ASAP1: variants seen among roughly 807,000 people sequenced by gnomAD.
ASAP1 encodes the protein arf-GAP with SH3 domain, ANK repeat and PH domain-containing protein 1.
Under a neutral mutation model 145.2 loss-of-function variants are expected in ASAP1, and 43 were observed. The ratio of observed to expected loss-of-function variants is 0.30; its 90% CI spans 0.23 to 0.38. ASAP1 has a LOEUF of 0.38. ASAP1 is among the 10% of genes least tolerant of loss of function. The pLI, the probability that ASAP1 is intolerant of heterozygous loss-of-function variation, is 1.00. For missense variants in ASAP1, 1,018 were observed against 1,355.3 expected, an observed-to-expected ratio of 0.75 and a Z score of 3.91; for synonymous variants, 546 against 515.5, an observed-to-expected ratio of 1.06 and a Z score of -0.80.
chr8:130,062,378 T>C (rs1439349068), intron 27 of ASAP1, among the ~76,000 whole-genome samples: 1 of 152,232 alleles, frequency 6.6e-6, no homozygotes, highest in Non-Finnish European at 1.5e-5. Context: ...ATGACCTGTC[T>C]AGTCATATCT....
chr8:130,381,499 T>C (rs1827768287), intron 2 of ASAP1, among the ~76,000 whole-genome samples: 1 of 152,210 alleles, frequency 6.6e-6, no homozygotes, highest in South Asian at 2.1e-4. Context: ...TTTAAGTTCT[T>C]AGTAGCTACT....
At chr8:130,237,154 G>A (rs1013434423) in intron 3 of ASAP1, among the ~76,000 whole-genome samples, 160 bp from the exon 4 acceptor site, 1 of 152,082 alleles carries the variant, frequency 6.6e-6, no homozygotes, top group African/African-American at 2.4e-5. Flanking sequence ...GGAAGTCCCT[G>A]GGATCTGAGT....
intron 24 of ASAP1, among the ~76,000 whole-genome samples, chr8:130,096,860 T>A (rs931293697): frequency 1.3e-5 from 2 of 151,922 alleles, no homozygotes; most frequent in African/African-American, 4.8e-5. Flanking sequence ...GCATGGTGGC[T>A]CACATCTGTA....
At chr8:130,094,656 G>A (rs796458445) in intron 24 of ASAP1, among the ~76,000 whole-genome samples, 10 of 152,274 alleles carry the variant, frequency 6.6e-5, no homozygotes, top group African/African-American at 2.4e-4. Flanking sequence ...AAGCCATGAG[G>A]GGCAGAGCTG....
At chr8:130,427,335 ACAGT>A (rs1482561852) in intron 1 of ASAP1, among the ~76,000 whole-genome samples, 1 of 152,102 alleles carries the variant, frequency 6.6e-6, no homozygotes, top group Non-Finnish European at 1.5e-5. Context: ...CTTGATATTG[ACAGT>A]GTGTTTACTC....
chr8:130,241,071 G>C (rs1367578823), intron 3 of ASAP1, among the ~76,000 whole-genome samples: 1 of 152,114 alleles, frequency 6.6e-6, no homozygotes, highest in Non-Finnish European at 1.5e-5. Context: ...ACAGCAGAGT[G>C]TAAGAGCAGA....
chr8:130,132,726 T>C (rs1054630312), intron 15 of ASAP1, among the ~76,000 whole-genome samples: 2 of 152,260 alleles, frequency 1.3e-5, no homozygotes, highest in African/African-American at 4.8e-5. Flanking sequence ...AGGCTTTGCA[T>C]AGCCTTGGCA....
At chr8:130,107,183 C>CTTCTTTT (rs2097538318) in intron 24 of ASAP1, among the ~76,000 whole-genome samples, 1 of 119,676 alleles carries the variant, frequency 8.4e-6, no homozygotes, top group African/African-American at 3.2e-5. Flanking sequence ...TCTTCTTCTT[C>CTTCTTTT]TTTTTTTTTT....
intron 2 of ASAP1, among the ~76,000 whole-genome samples, chr8:130,361,486 C>T (rs976063655): frequency 6.6e-6 from 1 of 152,218 alleles, no homozygotes; most frequent in African/African-American, 2.4e-5. Flanking sequence ...ACCAAAGACT[C>T]CAAACTGCTG....
intron 4 of ASAP1, 134 bp downstream of exon 4, chr8:130,236,788 G>T: frequency 1.7e-6 from 1 of 605,874 alleles, no homozygotes; most frequent in South Asian, 3.0e-5. Context: ...GAGAAAAAAA[G>T]AGAAATTTCT....
chr8:130,251,671 A>G (rs1434708439), intron 3 of ASAP1, among the ~76,000 whole-genome samples: 8 of 152,188 alleles, frequency 5.3e-5, no homozygotes, highest in Non-Finnish European at 2.9e-5. Flanking sequence ...GACATCTCTA[A>G]TACATACTTA....
chr8:130,395,915 C>G (rs1483214607), intron 2 of ASAP1, among the ~76,000 whole-genome samples: 1 of 152,166 alleles, frequency 6.6e-6, no homozygotes, highest in Admixed American at 6.5e-5. Flanking sequence ...ATCCGCCCGC[C>G]TCCGTCTCCC....
At chr8:130,304,125 A>C (rs926429763) in intron 3 of ASAP1, among the ~76,000 whole-genome samples, 2 of 152,146 alleles carry the variant, frequency 1.3e-5, no homozygotes, top group African/African-American at 4.8e-5. Flanking sequence ...CTCTTTAAAA[A>C]AAAACTCTAC....
intron 15 of ASAP1, among the ~76,000 whole-genome samples, chr8:130,129,528 GTTAA>G (rs1296859024): frequency 6.6e-6 from 1 of 152,114 alleles, no homozygotes; most frequent in African/African-American, 2.4e-5. Flanking sequence ...CCAAACCAGT[GTTAA>G]TTTTTTGTTA....
chr8:130,311,158 C>G (rs1198647512), intron 3 of ASAP1, among the ~76,000 whole-genome samples: 1 of 152,188 alleles, frequency 6.6e-6, no homozygotes, highest in Non-Finnish European at 1.5e-5. Context: ...GTTCTGACTA[C>G]AAGTGACAAG....
chr8:130,284,568 A>C (rs1469317061), intron 3 of ASAP1, among the ~76,000 whole-genome samples: 1 of 152,098 alleles, frequency 6.6e-6, no homozygotes, highest in Non-Finnish European at 1.5e-5. Flanking sequence ...TTATGAAGAT[A>C]AGCGTCACCA....
chr8:130,276,432 C>T (rs1193200851), intron 3 of ASAP1, among the ~76,000 whole-genome samples: 1 of 152,130 alleles, frequency 6.6e-6, no homozygotes. Flanking sequence ...AAAATTTAGG[C>T]TTTTCTTCTA....
chr8:130,338,154 C>T (rs1330408897), intron 3 of ASAP1, among the ~76,000 whole-genome samples: 1 of 152,124 alleles, frequency 6.6e-6, no homozygotes, highest in Non-Finnish European at 1.5e-5. Flanking sequence ...ACAACAGACC[C>T]ATGCAATAGT....
intron 3 of ASAP1, among the ~76,000 whole-genome samples, chr8:130,334,796 A>C (rs570926583): frequency 6.6e-6 from 1 of 152,306 alleles, no homozygotes; most frequent in East Asian, 1.9e-4. Flanking sequence ...AAAACTGGGC[A>C]TCTCTCTCAA....
Sources: gnomAD v4.1 joint callset for allele counts (sites outside exome capture counted in the v4.1 genomes callset) on GRCh38, gnomAD v4.1.1 for gene constraint, MANE v1.5 for transcripts, NCBI Gene and HGNC (gene_info 2026-07-23, HGNC 2026-07-21) for gene names.